The following PTPRJ variants were observed in gnomAD, a reference collection of about 807,000 sequenced individuals.
PTPRJ encodes receptor-type tyrosine-protein phosphatase eta.
Under a neutral mutation model 141.3 loss-of-function variants are expected in PTPRJ, and 129 were observed. That is an observed-to-expected ratio of 0.91 (90% CI 0.79 to 1.06). PTPRJ has a LOEUF of 1.06. Ranked by LOEUF, PTPRJ falls within the 50% of genes least tolerant of loss-of-function variation. The pLI is 0.00. For synonymous variants in PTPRJ, 610 were observed against 640.5 expected, an observed-to-expected ratio of 0.95 and a Z score of 0.72; for missense variants, 1,601 against 1,679.7, an observed-to-expected ratio of 0.95 and a Z score of 0.82.
At chr11:48,109,262 T>C (rs1248212621) in intron 1 of PTPRJ, among the ~76,000 whole-genome samples, 1 of 142,670 alleles carries the variant, frequency 7.0e-6, no homozygotes, top group Non-Finnish European at 1.6e-5. Context: ...TTGATTATTT[T>C]ATTCTTCGTG....
At chr11:47,991,065 T>G (rs1457216749) in intron 1 of PTPRJ, among the ~76,000 whole-genome samples, 3 of 152,092 alleles carry the variant, frequency 2.0e-5, no homozygotes, top group Non-Finnish European at 4.4e-5. Flanking sequence ...CCACAATGGA[T>G]TGTGTGTATT....
intron 3 of PTPRJ, 32 bp downstream of exon 3, chr11:48,113,015 C>T: frequency 6.6e-7 from 1 of 1,515,744 alleles, no homozygotes. Flanking sequence ...AGTCATGTTT[C>T]TTAAAGGAAA....
rs1252731987 is a variant in PTPRJ at position 48,126,817 on chromosome 11, C to CACACAT, written c.1094-960_1094-959insCATACA. ...ACACACACACACACACACACACACA[C>CACACAT]ACAGATAAACACACATTTCCACCCA... On this transcript the variant is annotated intron_variant, in intron 6 of 24. Transcript: ENST00000418331. Among the ~76,000 whole-genome samples, 1,416 of 146,580 alleles carry CACACAT rather than the reference C, an allele frequency of 9.7e-3. 16 individuals are homozygous for CACACAT. The highest frequency in any genetic ancestry group is 0.025 in the African/African-American group (937 of 37,544).
chr11:48,152,451 A>G (rs1857506961), intron 18 of PTPRJ, among the ~76,000 whole-genome samples: 1 of 151,578 alleles, frequency 6.6e-6, no homozygotes, highest in African/African-American at 2.4e-5. Context: ...CTTTAGTTTA[A>G]TTAGATCCAA....
intron 1 of PTPRJ, among the ~76,000 whole-genome samples, chr11:48,001,632 T>C (rs1854501257): frequency 6.6e-6 from 1 of 152,150 alleles, no homozygotes; most frequent in African/African-American, 2.4e-5. Flanking sequence ...TTTGTGTGTA[T>C]TGGCTGAGTG....
chr11:48,078,148 G>A (rs1333263334), intron 1 of PTPRJ, among the ~76,000 whole-genome samples: 3 of 149,814 alleles, frequency 2.0e-5, no homozygotes, highest in South Asian at 2.1e-4. Flanking sequence ...AACCTCTGCC[G>A]CCCAGATTCA....
chr11:48,095,730 G>A (rs1345369562), intron 1 of PTPRJ, among the ~76,000 whole-genome samples: 5 of 152,034 alleles, frequency 3.3e-5, no homozygotes, highest in South Asian at 4.2e-4. Context: ...GCAGGTGCAC[G>A]CCACCACACC....
At chr11:48,054,135 T>C (rs1854689674) in intron 1 of PTPRJ, among the ~76,000 whole-genome samples, 1 of 152,078 alleles carries the variant, frequency 6.6e-6, no homozygotes, top group South Asian at 2.1e-4. Flanking sequence ...GGTTTCACCA[T>C]GTTGGCCAGG....
intron 11 of PTPRJ, 76 bp downstream of exon 11, chr11:48,139,852 C>A (rs1480718928): frequency 1.4e-6 from 2 of 1,422,614 alleles, no homozygotes; most frequent in South Asian, 1.2e-5. Context: ...TGGGTCTGCA[C>A]GTGTGGACTA....
At chr11:48,103,820 T>C (rs1194181578) in intron 1 of PTPRJ, among the ~76,000 whole-genome samples, 2 of 152,198 alleles carry the variant, frequency 1.3e-5, no homozygotes, top group African/African-American at 4.8e-5. Flanking sequence ...CGGCTGTGCG[T>C]CTCAAAGTCC....
chr11:48,089,406 C>T (rs1243079320), intron 1 of PTPRJ, among the ~76,000 whole-genome samples: 1 of 151,706 alleles, frequency 6.6e-6, no homozygotes, highest in Non-Finnish European at 1.5e-5. Context: ...ATTCCAGCTA[C>T]TCAGGAGGCT....
At chr11:48,026,932 C>T (rs550461457) in intron 1 of PTPRJ, among the ~76,000 whole-genome samples, 6 of 151,382 alleles carry the variant, frequency 4.0e-5, no homozygotes, top group Admixed American at 1.3e-4. Context: ...TTTAAAGGGC[C>T]CTTTTCAAGG....
intron 1 of PTPRJ, among the ~76,000 whole-genome samples, chr11:48,047,303 A>T (rs187525834): frequency 6.6e-6 from 1 of 150,806 alleles, no homozygotes; most frequent in African/African-American, 2.5e-5. Context: ...CACATTTTTT[A>T]AAAAGTTGAG....
At chr11:48,114,230 G>A (rs1447533130) in intron 3 of PTPRJ, among the ~76,000 whole-genome samples, 1 of 151,926 alleles carries the variant, frequency 6.6e-6, no homozygotes, top group Non-Finnish European at 1.5e-5. Flanking sequence ...CTGAGGTCAG[G>A]AGTTCAAGGC....
chr11:48,152,100 C>T (rs1285763801), intron 18 of PTPRJ, among the ~76,000 whole-genome samples: 2 of 152,202 alleles, frequency 1.3e-5, no homozygotes, highest in Admixed American at 6.5e-5. Flanking sequence ...ACATCCTCTC[C>T]AGCACCTGTT....
intron 1 of PTPRJ, among the ~76,000 whole-genome samples, chr11:48,064,034 G>A (rs561906298): frequency 2.6e-5 from 4 of 151,752 alleles, no homozygotes; most frequent in African/African-American, 4.8e-5. Flanking sequence ...CTTCTTCAAA[G>A]TCCAGCTCTC....
chr11:48,035,740 T>A (rs550312561), intron 1 of PTPRJ, among the ~76,000 whole-genome samples: 1 of 152,184 alleles, frequency 6.6e-6, no homozygotes, highest in South Asian at 2.1e-4. Context: ...GATATTCTCA[T>A]CAGGCTGAAA....
intron 8 of PTPRJ, chr11:48,132,269 C>T (rs1203901136): frequency 1.0e-6 from 1 of 985,010 alleles, no homozygotes; most frequent in Admixed American, 6.2e-5. Flanking sequence ...GCTACGGTGG[C>T]CTGCACCCAT....
chr11:48,000,963 C>T (rs1172865781), intron 1 of PTPRJ, among the ~76,000 whole-genome samples: 1 of 150,996 alleles, frequency 6.6e-6, no homozygotes, highest in East Asian at 1.9e-4. Context: ...GACTGGACCT[C>T]CTCTTCCAGT....
Sources: gnomAD v4.1 joint callset for allele counts (sites outside exome capture counted in the v4.1 genomes callset) on GRCh38, gnomAD v4.1.1 for gene constraint, MANE v1.5 for transcripts, NCBI Gene and HGNC (gene_info 2026-07-23, HGNC 2026-07-21) for gene names.